Variants in RPP40 observed in about 807,000 individuals in gnomAD.
RPP40 encodes the protein ribonuclease P protein subunit p40.
In RPP40, 30 loss-of-function variants were observed where a neutral mutation model predicts 42.5. That is an observed-to-expected ratio of 0.71 (90% CI 0.53 to 0.96). The LOEUF (loss-of-function observed/expected upper bound fraction) is 0.96. Ranked by LOEUF, RPP40 falls within the 40% of genes least tolerant of loss-of-function variation. The probability of loss-of-function intolerance (pLI) is 0.00; values close to 1 mark genes in which losing one functional copy is unlikely to be tolerated. For synonymous variants in RPP40, 173 were observed against 164.0 expected (o/e 1.05, Z -0.42); for missense variants, 426 against 433.5 (o/e 0.98, Z 0.15).
intron 5 of RPP40, among the ~76,000 whole-genome samples, chr6:4,997,828 A>G (rs1759427530): frequency 6.6e-6 from 1 of 152,228 alleles, no homozygotes; most frequent in Admixed American, 6.5e-5. Flanking sequence ...GCCTGCAAGT[A>G]TGAGGAAATC....
chr6:4,992,861 G>A (rs1434489632), downstream of RPP40, among the ~76,000 whole-genome samples: 7 of 152,194 alleles, frequency 4.6e-5, no homozygotes, highest in Non-Finnish European at 2.9e-5. Flanking sequence ...TAATAGGTAT[G>A]ATTTTTTGGT....
rs1759318713 is a variant in RPP40, at chr6:4,994,811, C to G, written c.*267G>C. 7.4e-6 allele frequency: 3 copies of G among 404,540 alleles called. No homozygotes were observed. The highest frequency in any genetic ancestry group is 1.3e-5 in the Non-Finnish European group (3 of 226,996). The allele number at this position is 404,540 out of a possible 1,614,324, so 25.1% of individuals were successfully genotyped here. A position where few individuals can be genotyped will look rare whatever the true frequency, so the allele number is the denominator to read the frequency against. On this transcript the variant is annotated 3_prime_UTR_variant, in exon 8 of 8. Coordinates refer to ENST00000380051, the MANE Select transcript of RPP40 (RefSeq NM_006638.4). The stretch of plus-strand genomic sequence containing the variant: ...GAGATGGGGACCAATATCCCCGGTC[C>G]CTGGACATCCTGGCCCAGTGTACCA...
rs780351221 is a variant in RPP40, at chr6:4,998,768, G to T, written c.507C>A (p.Phe169Leu). The change falls in exon 5 of 8, where the codon TTC becomes TTA. Residue 169 changes from phenylalanine (F) to leucine (L), a missense_variant. By Grantham distance (22) the Phe-to-Leu change is conservative. Transcript: ENST00000380051. ...CAAATTTCAATGGCTTCTTTTCTTT[G>T]AAAGACCAAGATATTCTTTCATACT... ...SKKYERISWS[F>L]KEKKPLKFDF... 1 of 1,550,992 alleles carries T rather than the reference G, an allele frequency of 6.4e-7. No homozygotes were observed. Among genetic ancestry groups the T allele is most frequent in the Non-Finnish European group, 8.8e-7 (1 of 1,138,018 alleles).
At chr6:4,999,577 T>C (rs2127541980) in intron 4 of RPP40, among the ~76,000 whole-genome samples, 1 of 152,244 alleles carries the variant, frequency 6.6e-6, no homozygotes, top group Non-Finnish European at 1.5e-5. Context: ...CCGAAACATA[T>C]ATATTTAATT....
At position 5,003,987 on chromosome 6, in the gene RPP40, G is replaced by A. The variant is rs902525311; in HGVS notation, c.16C>T (p.Arg6Trp). The A allele has an allele frequency of 3.7e-6, 6 of 1,610,072 alleles. No homozygotes were observed. Among genetic ancestry groups the A allele is most frequent in the Non-Finnish European group, 4.2e-6 (5 of 1,178,620 alleles). Residue 6 changes from arginine to tryptophan, a missense_variant, in exon 1 of 8, where the codon CGG becomes TGG. Coordinates refer to ENST00000380051, the MANE Select transcript of RPP40 (RefSeq NM_006638.4). MATLR[R>W]LREAPRHLLV... The stretch of plus-strand genomic sequence containing the variant: ...AAGTGCCGCGGCGCCTCCCGAAGCC[G>A]GCGCAGCGTGGCCATGCTCTCCTGG...
intron 7 of RPP40, among the ~76,000 whole-genome samples, chr6:4,995,716 G>C (rs554574883): frequency 8.5e-5 from 13 of 152,278 alleles, no homozygotes; most frequent in Non-Finnish European, 1.5e-5. Context: ...AGGATGTTGG[G>C]CTTAAAAAGG....
Position 4,995,067 on chromosome 6 carries a change from A to T in RPP40, c.*11T>A. The stretch of plus-strand genomic sequence containing the variant: ...TAAATGTAAGTAAACACGATTTTTA[A>T]TTTTTATTTTTTATGGTGGACAGTG... On this transcript the variant is annotated 3_prime_UTR_variant, in exon 8 of 8. Transcript: ENST00000380051. The T allele has an allele frequency of 6.2e-7, 1 of 1,601,444 alleles. No homozygotes were observed. The highest frequency in any genetic ancestry group is 2.2e-5 in the East Asian group (1 of 44,790).
intron 4 of RPP40, among the ~76,000 whole-genome samples, chr6:4,999,186 C>G (rs988209838): frequency 6.6e-6 from 1 of 151,996 alleles, no homozygotes; most frequent in African/African-American, 2.4e-5. Flanking sequence ...CATCTCTTCA[C>G]TCATGGGTGA....
chr6:4,999,667 T>C, intron 4 of RPP40, 142 bp downstream of exon 4: 2 of 591,002 alleles, frequency 3.4e-6, no homozygotes, highest in Non-Finnish European at 6.1e-6. Context: ...TCCTATCCTC[T>C]GTGAAGCTCG....
downstream of RPP40, among the ~76,000 whole-genome samples, chr6:4,993,788 T>C (rs1759294832): frequency 1.3e-5 from 2 of 152,170 alleles, no homozygotes. Flanking sequence ...ACAGAAATCT[T>C]CCTTGCTGTT....
intron 5 of RPP40, among the ~76,000 whole-genome samples, 171 bp from the exon 6 acceptor site, chr6:4,996,591 G>C (rs144434440): frequency 1.8e-4 from 27 of 152,298 alleles, no homozygotes; most frequent in African/African-American, 5.8e-4. Flanking sequence ...AGCTCCTTTT[G>C]CTCAAGTTCT....
At chr6:4,994,403 A>G, downstream of RPP40, among the ~76,000 whole-genome samples, 1 of 152,262 alleles carries the variant, frequency 6.6e-6, no homozygotes, top group Non-Finnish European at 1.5e-5. Context: ...TAATAAAAAA[A>G]AAATGGTTCT....
Position 4,996,260 on chromosome 6 carries a change from G to A in RPP40, c.720C>T (p.Leu240=), listed in dbSNP as rs976163239. Residue 240 remains leucine, a synonymous_variant, in exon 6 of 8, where the codon CTC becomes CTT. Coordinates refer to ENST00000380051, the MANE Select transcript of RPP40 (RefSeq NM_006638.4). The part of the protein sequence containing the change: ...TPEVSCRALE[L]FDWLGAVFSN... ...TGAAGACGGCGCCGAGCCAGTCGAA[G>A]AGCTCCAGAGCCCGGCAGGACACCT... 3.1e-6 allele frequency: 5 copies of A among 1,613,936 alleles called. No individual in the cohort carries two copies. Among genetic ancestry groups the A allele is most frequent in the Non-Finnish European group, 4.2e-6 (5 of 1,180,018 alleles).
Position 5,000,615 on chromosome 6 carries a change from T to C in RPP40, c.285A>G (p.Leu95=). 1 of 1,592,228 alleles carries C rather than the reference T, an allele frequency of 6.3e-7. No homozygotes were observed. Among genetic ancestry groups the C allele is most frequent in the Non-Finnish European group, 8.6e-7 (1 of 1,160,892 alleles). ...TFIKKGSCYA[L]TYNTHIDEDN... The stretch of plus-strand genomic sequence containing the variant: ...CTTCATCAATATGTGTATTGTATGT[T>C]AGTGCATAGCAAGAACCTGGAAGAG... The change falls in exon 3 of 8, where the codon CTA becomes CTG. Residue 95 remains leucine, a synonymous_variant. Transcript: ENST00000380051.
At chr6:4,996,808 C>G (rs1759398866) in intron 5 of RPP40, among the ~76,000 whole-genome samples, 1 of 152,194 alleles carries the variant, frequency 6.6e-6, no homozygotes, top group Non-Finnish European at 1.5e-5. Flanking sequence ...AGAAGAGAAA[C>G]TGAATGGTGA....
At chr6:4,992,238 G>A (rs770408322), downstream of RPP40, among the ~76,000 whole-genome samples, 10 of 151,876 alleles carry the variant, frequency 6.6e-5, no homozygotes, top group Non-Finnish European at 1.0e-4. Context: ...GCATGGTGGC[G>A]CATGCCTGTA....
intron 5 of RPP40, among the ~76,000 whole-genome samples, chr6:4,996,787 A>G (rs576402105): frequency 6.6e-6 from 1 of 152,332 alleles, no homozygotes; most frequent in Admixed American, 6.5e-5. Flanking sequence ...CACAACCTCT[A>G]TTAAAGAAAA....
chr6:5,001,186 C>T, intron 2 of RPP40: 1 of 456,174 alleles, frequency 2.2e-6, no homozygotes, highest in South Asian at 1.6e-5. Flanking sequence ...TCAAAAGCTA[C>T]CCAACCTCTC....
intron 2 of RPP40, 77 bp from the exon 3 acceptor site, chr6:5,000,708 G>T: frequency 1.1e-6 from 1 of 934,706 alleles, no homozygotes; most frequent in South Asian, 1.4e-5. Flanking sequence ...ATTTTTACAA[G>T]ATAACCAGTC....
Sources: gnomAD v4.1 joint callset for allele counts (sites outside exome capture counted in the v4.1 genomes callset) on GRCh38, gnomAD v4.1.1 for gene constraint, MANE v1.5 for transcripts, NCBI Gene and HGNC (gene_info 2026-07-23, HGNC 2026-07-21) for gene names.